The following PDE8B variants were observed in gnomAD, a reference collection of about 807,000 sequenced individuals.
The protein encoded by PDE8B is phosphodiesterase 8B, also known as high affinity cAMP-specific and IBMX-insensitive 3',5'-cyclic phosphodiesterase 8B.
PDE8B carries 26 observed loss-of-function variants against 101.3 expected under a neutral mutation model. The observed-to-expected ratio is 0.26, with a 90% confidence interval of 0.19 to 0.36. The LOEUF (loss-of-function observed/expected upper bound fraction) is 0.36. Ranked by LOEUF, PDE8B falls within the 10% of genes least tolerant of loss-of-function variation. PDE8B has a pLI of 1.00. For synonymous variants in PDE8B, 424 were observed against 429.3 expected (o/e 0.99, Z 0.15); for missense variants, 810 against 1,163.1 (o/e 0.70, Z 4.42).
chr5:77,426,203 G>A, intron 21 of PDE8B: 1 of 595,960 alleles, frequency 1.7e-6, no homozygotes, highest in Non-Finnish European at 3.0e-6. Context: ...TAGAAAGAAT[G>A]CAAAATGTAT....
At chr5:77,334,361 A>G (rs1777713422) in intron 5 of PDE8B, among the ~76,000 whole-genome samples, 1 of 152,234 alleles carries the variant, frequency 6.6e-6, no homozygotes, top group Non-Finnish European at 1.5e-5. Flanking sequence ...AGCCGACTAT[A>G]TAGATGCTAA....
intron 5 of PDE8B, among the ~76,000 whole-genome samples, chr5:77,333,416 T>C (rs1777524808): frequency 6.6e-6 from 1 of 152,170 alleles, no homozygotes; most frequent in South Asian, 2.1e-4. Context: ...TTCTGTGTAA[T>C]ATTGACCCCC....
chr5:77,267,415 G>T (rs972487706), intron 1 of PDE8B, among the ~76,000 whole-genome samples: 11 of 151,674 alleles, frequency 7.3e-5, no homozygotes, highest in African/African-American at 2.7e-4. Context: ...ACTCCAGCCT[G>T]GGTGACAGAG....
chr5:77,333,100 T>C (rs1777467412), intron 5 of PDE8B, among the ~76,000 whole-genome samples: 2 of 152,040 alleles, frequency 1.3e-5, no homozygotes, highest in Admixed American at 6.6e-5. Flanking sequence ...ATAGAGAAGA[T>C]TCAAGGTAGT....
chr5:77,399,149 A>G (rs369741159), intron 10 of PDE8B, among the ~76,000 whole-genome samples: 1 of 152,390 alleles, frequency 6.6e-6, no homozygotes, highest in African/African-American at 2.4e-5. Flanking sequence ...CAAGAATGCT[A>G]TGTGAATCTG....
At chr5:77,131,655 G>A in the PDE8B span, among the ~76,000 whole-genome samples, 1 of 152,142 alleles carries the variant, frequency 6.6e-6, no homozygotes, top group Non-Finnish European at 1.5e-5. Context: ...CCTTCTTTAA[G>A]CAAAAGAATA....
intron 4 of PDE8B, among the ~76,000 whole-genome samples, chr5:77,330,091 A>G (rs1776837041): frequency 6.6e-6 from 1 of 152,182 alleles, no homozygotes; most frequent in African/African-American, 2.4e-5. Flanking sequence ...CTGGTGGGAG[A>G]TTAAGATTCC....
At chr5:77,314,900 A>G (rs1466189609) in intron 2 of PDE8B, among the ~76,000 whole-genome samples, 1 of 152,168 alleles carries the variant, frequency 6.6e-6, no homozygotes, top group East Asian at 1.9e-4. Context: ...TAGTATTATC[A>G]TGATTTAAAT....
At chr5:77,220,752 C>T (rs945963990) in intron 1 of PDE8B, among the ~76,000 whole-genome samples, 1 of 152,244 alleles carries the variant, frequency 6.6e-6, no homozygotes, top group South Asian at 2.1e-4. Context: ...TTGGGAGAAG[C>T]GGGTTTAATT....
At chr5:77,365,839 A>G (rs749023117) in intron 10 of PDE8B, among the ~76,000 whole-genome samples, 45 of 152,184 alleles carry the variant, frequency 3.0e-4, no homozygotes, top group African/African-American at 1.1e-3. Flanking sequence ...CTTAGCATGA[A>G]GCCTGGTGCA....
chr5:77,368,117 A>G (rs1335668162), intron 10 of PDE8B, among the ~76,000 whole-genome samples: 3 of 152,206 alleles, frequency 2.0e-5, no homozygotes, highest in African/African-American at 7.2e-5. Context: ...TTTAGAGAAG[A>G]AAGTGTAATT....
In PDE8B at chr5:77,211,171, C is replaced by T. The variant is rs756112201; in HGVS notation, c.246C>T (p.Ser82=). Reference sequence around the variant, plus strand: ...TGGGCAGCGGTAGCAGCGCGGGTTCCGCAGCCCCCGCCGCGACCACCAGCA... The same window carrying T: ...TGGGCAGCGGTAGCAGCGCGGGTTCTGCAGCCCCCGCCGCGACCACCAGCA... ...TELGSGSSAG[S]AAPAATTSRG... is the part of the protein sequence containing the mutation. The change falls in exon 1 of 22, where the codon TCC becomes TCT. Residue 82 remains serine (S), a synonymous_variant. Transcript: ENST00000264917. The surrounding 1 kb of genome is among the most constrained non-coding windows in gnomAD (Gnocchi z 4.1). 2 of 1,534,564 alleles carry T rather than the reference C, an allele frequency of 1.3e-6. No individual in the cohort carries two copies. The highest frequency in any genetic ancestry group is 8.7e-7 in the Non-Finnish European group (1 of 1,147,268).
the PDE8B span, among the ~76,000 whole-genome samples, chr5:77,125,424 A>G: frequency 1.3e-5 from 2 of 152,246 alleles, no homozygotes; most frequent in African/African-American, 4.8e-5. Flanking sequence ...AAAGTTAAAC[A>G]GAGAATTACC....
At chr5:77,346,737 T>G (rs1780216675) in intron 7 of PDE8B, among the ~76,000 whole-genome samples, 1 of 152,224 alleles carries the variant, frequency 6.6e-6, no homozygotes, top group Non-Finnish European at 1.5e-5. Flanking sequence ...TTACAGCTTT[T>G]TTCTCAGGGA....
At chr5:77,366,386 A>G (rs1315061351) in intron 10 of PDE8B, among the ~76,000 whole-genome samples, 2 of 152,214 alleles carry the variant, frequency 1.3e-5, no homozygotes, top group South Asian at 2.1e-4. Context: ...GTTCTGGGTA[A>G]GCAGTTGAGG....
chr5:77,162,892 A>G, the PDE8B span, among the ~76,000 whole-genome samples: 220 of 152,340 alleles, frequency 1.4e-3, 1 homozygote, highest in Non-Finnish European at 2.7e-3. Context: ...ATTATTAACT[A>G]TTCACAATAG....
At chr5:77,256,626 A>G (rs1759234613) in intron 1 of PDE8B, among the ~76,000 whole-genome samples, 1 of 152,150 alleles carries the variant, frequency 6.6e-6, no homozygotes, top group Admixed American at 6.5e-5. Context: ...TAAATAAATA[A>G]CTTCTATGGT....
At chr5:77,137,082 G>A in the PDE8B span, among the ~76,000 whole-genome samples, 383 of 152,140 alleles carry the variant, frequency 2.5e-3, 5 homozygotes, top group African/African-American at 8.8e-3. Flanking sequence ...TCTCTATTCC[G>A]CTAAGGCCAG....
chr5:77,290,733 C>A (rs978470957), intron 1 of PDE8B: 4 of 1,492,320 alleles, frequency 2.7e-6, no homozygotes, highest in Non-Finnish European at 2.8e-6. Context: ...GCAGTGGAAT[C>A]CTGTAGGCCT....
Sources: gnomAD v4.1 joint callset for allele counts (sites outside exome capture counted in the v4.1 genomes callset) on GRCh38, gnomAD v4.1.1 for gene constraint, Gnocchi (gnomAD v3.1) non-coding constraint, MANE v1.5 for transcripts, NCBI Gene and HGNC (gene_info 2026-07-23, HGNC 2026-07-21) for gene names.